The following ZDHHC14 variants were observed in gnomAD, a reference collection of about 807,000 sequenced individuals.
ZDHHC14 encodes the protein zDHHC palmitoyltransferase 14, also known as palmitoyltransferase ZDHHC14.
Under a neutral mutation model 47.7 loss-of-function variants are expected in ZDHHC14, and 16 were observed. That is an observed-to-expected ratio of 0.34 (90% CI 0.23 to 0.51). ZDHHC14 has a LOEUF of 0.51. Among genes scored for constraint, ZDHHC14 ranks in the 20% least tolerant of loss-of-function variants. The pLI is 0.97. For missense variants in ZDHHC14, 515 were observed against 662.5 expected, an observed-to-expected ratio of 0.78 and a Z score of 2.44; for synonymous variants, 293 against 278.9, an observed-to-expected ratio of 1.05 and a Z score of -0.50.
At chr6:157,644,322 G>A (rs1457806876) in intron 5 of ZDHHC14, among the ~76,000 whole-genome samples, 2 of 152,166 alleles carry the variant, frequency 1.3e-5, no homozygotes, top group African/African-American at 4.8e-5. Flanking sequence ...TTTGCTGCCT[G>A]GGCCACCATC....
chr6:157,526,526 C>T (rs1781157229), intron 1 of ZDHHC14, among the ~76,000 whole-genome samples: 1 of 152,224 alleles, frequency 6.6e-6, no homozygotes, highest in Admixed American at 6.5e-5. Flanking sequence ...CCAGACAAAG[C>T]TAGGGATAGG....
intron 6 of ZDHHC14, among the ~76,000 whole-genome samples, chr6:157,646,047 G>A (rs1461097182): frequency 6.6e-6 from 1 of 152,114 alleles, no homozygotes; most frequent in Non-Finnish European, 1.5e-5. Flanking sequence ...CTGTTTTTCC[G>A]ACCACATCCA....
chr6:157,663,077 TAGATG>T (rs1416039994), intron 8 of ZDHHC14, among the ~76,000 whole-genome samples: 1 of 152,228 alleles, frequency 6.6e-6, no homozygotes, highest in African/African-American at 2.4e-5. Flanking sequence ...AAGTTGCTCA[TAGATG>T]GATAAATTTA....
At chr6:157,437,474 C>G (rs954079790) in intron 1 of ZDHHC14, among the ~76,000 whole-genome samples, 2 of 152,190 alleles carry the variant, frequency 1.3e-5, no homozygotes, top group African/African-American at 4.8e-5. Context: ...TGTAGTGATA[C>G]TGGAGTTCTT....
chr6:157,507,378 G>A (rs1302565857), intron 1 of ZDHHC14, among the ~76,000 whole-genome samples: 3 of 151,446 alleles, frequency 2.0e-5, no homozygotes, highest in Non-Finnish European at 4.4e-5. Context: ...CCGCCTTCCA[G>A]GTTCAAGCAA....
chr6:157,540,732 TG>T (rs1781713018), intron 1 of ZDHHC14, among the ~76,000 whole-genome samples: 1 of 152,156 alleles, frequency 6.6e-6, no homozygotes, highest in African/African-American at 2.4e-5. Flanking sequence ...TGTCGAATTG[TG>T]AATTTAAGTT....
At chr6:157,663,608 C>T (rs749930206) in intron 8 of ZDHHC14, among the ~76,000 whole-genome samples, 14 of 152,202 alleles carry the variant, frequency 9.2e-5, no homozygotes, top group East Asian at 3.9e-4. Context: ...AGGCACCTGG[C>T]GAACAGGCCT....
At chr6:157,392,883 TA>T (rs1446839302) in intron 1 of ZDHHC14, among the ~76,000 whole-genome samples, 1 of 152,098 alleles carries the variant, frequency 6.6e-6, no homozygotes, top group Non-Finnish European at 1.5e-5. Context: ...TTTTTTTAAT[TA>T]TTTTTTTTGA....
intron 1 of ZDHHC14, among the ~76,000 whole-genome samples, chr6:157,511,605 G>T (rs1004251313): frequency 6.8e-6 from 1 of 146,256 alleles, no homozygotes; most frequent in Non-Finnish European, 1.5e-5. Flanking sequence ...TGTTGGTCAG[G>T]CTGGTCTCGA....
intron 1 of ZDHHC14, among the ~76,000 whole-genome samples, chr6:157,485,694 TTG>T (rs1472640737): frequency 6.6e-6 from 1 of 151,800 alleles, no homozygotes; most frequent in African/African-American, 2.4e-5. Flanking sequence ...TTTTTTTTTT[TTG>T]AAGGGAAAAA....
At chr6:157,448,129 C>T (rs1483573960) in intron 1 of ZDHHC14, among the ~76,000 whole-genome samples, 2 of 152,140 alleles carry the variant, frequency 1.3e-5, no homozygotes, top group African/African-American at 4.8e-5. Context: ...TCCTCCCACC[C>T]CAGCCTCCCA....
intron 3 of ZDHHC14, among the ~76,000 whole-genome samples, chr6:157,602,115 T>C (rs1784359566): frequency 6.6e-6 from 1 of 151,670 alleles, no homozygotes. Context: ...GGCAGGAGAA[T>C]TGCTTGAACC....
chr6:157,416,971 A>AGTT (rs1777988318), intron 1 of ZDHHC14, among the ~76,000 whole-genome samples: 2 of 26,878 alleles, frequency 7.4e-5, no homozygotes, highest in Non-Finnish European at 1.5e-4. Flanking sequence ...ATGCCTGGCT[A>AGTT]GTTTTTTTTT....
intron 1 of ZDHHC14, among the ~76,000 whole-genome samples, chr6:157,426,417 A>G (rs939962595): frequency 3.3e-5 from 5 of 152,228 alleles, no homozygotes; most frequent in Non-Finnish European, 7.3e-5. Context: ...TGGAATGCCA[A>G]TGGCATGCCA....
chr6:157,620,045 T>A (rs1785125212), intron 3 of ZDHHC14, among the ~76,000 whole-genome samples: 1 of 152,232 alleles, frequency 6.6e-6, no homozygotes, highest in African/African-American at 2.4e-5. Flanking sequence ...GAAGAAACCA[T>A]ACCTGATACA....
intron 1 of ZDHHC14, among the ~76,000 whole-genome samples, chr6:157,397,117 G>A (rs568743677): frequency 7.2e-5 from 11 of 152,182 alleles, no homozygotes; most frequent in Non-Finnish European, 1.6e-4. Flanking sequence ...ATGGGTTTGT[G>A]GACCATAGCT....
intron 2 of ZDHHC14, among the ~76,000 whole-genome samples, chr6:157,568,366 C>T (rs1220898497): frequency 1.3e-5 from 2 of 151,834 alleles, no homozygotes; most frequent in Non-Finnish European, 2.9e-5. Flanking sequence ...TTTATATATC[C>T]TTCCAGTTTT....
chr6:157,399,106 T>G (rs2114743906), intron 1 of ZDHHC14, among the ~76,000 whole-genome samples: 2 of 152,282 alleles, frequency 1.3e-5, no homozygotes, highest in Admixed American at 1.3e-4. Flanking sequence ...GTTAGCGGGG[T>G]GGATAAAAGC....
chr6:157,559,542 G>A (rs764870882), intron 2 of ZDHHC14, among the ~76,000 whole-genome samples: 5 of 152,250 alleles, frequency 3.3e-5, no homozygotes, highest in African/African-American at 4.8e-5. Context: ...GTCTCCCAAG[G>A]AGAGCCCAGC....
Sources: gnomAD v4.1 joint callset for allele counts (sites outside exome capture counted in the v4.1 genomes callset) on GRCh38, gnomAD v4.1.1 for gene constraint, MANE v1.5 for transcripts, NCBI Gene and HGNC (gene_info 2026-07-23, HGNC 2026-07-21) for gene names.